The following BBX variants were observed in gnomAD, a reference collection of about 807,000 sequenced individuals.
BBX encodes the protein HMG box transcription factor BBX.
BBX carries 30 observed loss-of-function variants against 100.2 expected under a neutral mutation model. That is an observed-to-expected ratio of 0.30 (90% confidence interval 0.22 to 0.41). The LOEUF is 0.41. BBX is among the 10% of genes least tolerant of loss of function. BBX has a pLI of 1.00. For missense variants in BBX, 1,023 were observed against 1,129.8 expected (o/e 0.91, Z 1.35); for synonymous variants, 376 against 388.1 (o/e 0.97, Z 0.37).
intron 2 of BBX, among the ~76,000 whole-genome samples, chr3:107,592,407 T>C (rs1053706108): frequency 5.3e-5 from 8 of 150,582 alleles, no homozygotes; most frequent in African/African-American, 2.0e-4. Context: ...GACTGTATGT[T>C]CTTTGTGAGA....
intron 2 of BBX, among the ~76,000 whole-genome samples, chr3:107,609,194 T>C (rs1207411232): frequency 6.6e-6 from 1 of 152,128 alleles, no homozygotes; most frequent in African/African-American, 2.4e-5. Flanking sequence ...CACTGATTGA[T>C]TTGCATATGT....
At chr3:107,591,654 A>T (rs1295521349) in intron 2 of BBX, among the ~76,000 whole-genome samples, 2 of 152,090 alleles carry the variant, frequency 1.3e-5, no homozygotes, top group Non-Finnish European at 2.9e-5. Flanking sequence ...CGCCTGGCTA[A>T]TTTTTGTATT....
intron 3 of BBX, among the ~76,000 whole-genome samples, chr3:107,666,729 G>T (rs942856984): frequency 6.6e-6 from 1 of 152,062 alleles, no homozygotes; most frequent in Non-Finnish European, 1.5e-5. Context: ...GTGCCACCAC[G>T]CCCAGCTAAT....
chr3:107,644,298 A>G (rs1019290550), intron 2 of BBX, among the ~76,000 whole-genome samples: 5 of 152,204 alleles, frequency 3.3e-5, no homozygotes, highest in African/African-American at 4.8e-5. Context: ...CAAAATAAGA[A>G]TGAAACTCAC....
At chr3:107,708,220 C>A (rs2061498923) in intron 3 of BBX, among the ~76,000 whole-genome samples, 1 of 152,166 alleles carries the variant, frequency 6.6e-6, no homozygotes, top group Non-Finnish European at 1.5e-5. Flanking sequence ...ACACCAGATA[C>A]CTAATTCCAT....
rs1339571364 is a variant in BBX at position 107,748,058 on chromosome 3, G to C, written c.825+19G>C. 2 of 1,599,512 alleles carry C rather than the reference G, an allele frequency of 1.3e-6. No individual in the cohort carries two copies. Among genetic ancestry groups the C allele is most frequent in the African/African-American group, 1.3e-5 (1 of 74,458 alleles). ...TGCAGAGGTATGGCCTTTTTAAAAT[G>C]CTTTTTAGGCTAAGAAAACTTGTTG... On this transcript the variant is annotated intron_variant, in intron 9 of 17. Coordinates refer to ENST00000325805, the MANE Select transcript of BBX (RefSeq NM_001142568.3).
chr3:107,615,283 C>T (rs1329500940), intron 2 of BBX, among the ~76,000 whole-genome samples: 3 of 152,128 alleles, frequency 2.0e-5, no homozygotes, highest in Admixed American at 6.5e-5. Context: ...CCAGCTTGAG[C>T]ATCTGGGTGC....
intron 5 of BBX, among the ~76,000 whole-genome samples, chr3:107,723,966 G>C (rs2062731145): frequency 6.6e-6 from 1 of 152,148 alleles, no homozygotes; most frequent in Admixed American, 6.5e-5. Flanking sequence ...TCCAGTTCTA[G>C]ATCCTTGAGG....
intron 13 of BBX, among the ~76,000 whole-genome samples, chr3:107,784,741 A>G (rs756799600): frequency 1.4e-4 from 22 of 151,864 alleles, no homozygotes; most frequent in Non-Finnish European, 2.8e-4. Context: ...CTTCTACTGT[A>G]AGACACTCAA....
At chr3:107,739,155 A>C (rs577395499) in intron 7 of BBX, among the ~76,000 whole-genome samples, 1 of 152,346 alleles carries the variant, frequency 6.6e-6, no homozygotes, top group African/African-American at 2.4e-5. Flanking sequence ...TTCTAACATC[A>C]ATGAAATGAG....
chr3:107,736,049 G>A (rs1202468555), intron 7 of BBX, among the ~76,000 whole-genome samples: 4 of 151,876 alleles, frequency 2.6e-5, no homozygotes, highest in Non-Finnish European at 5.9e-5. Context: ...AATTATTTGG[G>A]ATAAATTATT....
At chr3:107,799,567 G>T (rs1042340700) in intron 16 of BBX, among the ~76,000 whole-genome samples, 70 of 152,154 alleles carry the variant, frequency 4.6e-4, no homozygotes, top group African/African-American at 1.5e-3. Flanking sequence ...GATACTAGAT[G>T]AATCAGTATT....
chr3:107,545,015 CA>C (rs1394514115), intron 2 of BBX, among the ~76,000 whole-genome samples: 339 of 136,616 alleles, frequency 2.5e-3, no homozygotes, highest in African/African-American at 6.4e-3. Context: ...GACTCCGTCT[CA>C]AAAAAAAAAA....
At chr3:107,790,990 T>A (rs1316587502) in intron 14 of BBX, among the ~76,000 whole-genome samples, 1 of 152,208 alleles carries the variant, frequency 6.6e-6, no homozygotes, top group African/African-American at 2.4e-5. Flanking sequence ...TTACTTTGAT[T>A]AAAGTTACAG....
At chr3:107,747,808 T>G (rs554558629) in intron 8 of BBX, among the ~76,000 whole-genome samples, 157 bp from the exon 9 acceptor site, 1 of 152,216 alleles carries the variant, frequency 6.6e-6, no homozygotes, top group Non-Finnish European at 1.5e-5. Flanking sequence ...GGCCTTTGTC[T>G]TCCCTTATCA....
chr3:107,582,955 T>C (rs2052395963), intron 2 of BBX, among the ~76,000 whole-genome samples: 1 of 151,978 alleles, frequency 6.6e-6, no homozygotes, highest in South Asian at 2.1e-4. Flanking sequence ...AGTTCTACAA[T>C]GCTGTTCCTT....
At chr3:107,573,371 A>G (rs2107524640) in intron 2 of BBX, among the ~76,000 whole-genome samples, 1 of 152,318 alleles carries the variant, frequency 6.6e-6, no homozygotes, top group South Asian at 2.1e-4. Flanking sequence ...CAGCCTGGCC[A>G]ATACGGTGAA....
At chr3:107,571,649 G>A (rs2051372056) in intron 2 of BBX, among the ~76,000 whole-genome samples, 1 of 152,240 alleles carries the variant, frequency 6.6e-6, no homozygotes, top group South Asian at 2.1e-4. Context: ...CACAGAGTGA[G>A]GGCGAGGACA....
intron 2 of BBX, among the ~76,000 whole-genome samples, chr3:107,538,305 T>G (rs1012205102): frequency 6.6e-6 from 1 of 152,196 alleles, no homozygotes; most frequent in Non-Finnish European, 1.5e-5. Context: ...GGATCACACA[T>G]GAGCACAGAA....
Sources: gnomAD v4.1 joint callset for allele counts (sites outside exome capture counted in the v4.1 genomes callset) on GRCh38, gnomAD v4.1.1 for gene constraint, MANE v1.5 for transcripts, NCBI Gene and HGNC (gene_info 2026-07-23, HGNC 2026-07-21) for gene names.